Variants in CYP7B1 observed in about 807,000 individuals in gnomAD.
The protein encoded by CYP7B1 is cytochrome P450 family 7 subfamily B member 1, also known as cytochrome P450 7B1.
A neutral mutation model predicts 42.7 loss-of-function variants in CYP7B1; 29 were observed. The ratio of observed to expected loss-of-function variants is 0.68; its 90% confidence interval spans 0.51 to 0.93. The LOEUF (loss-of-function observed/expected upper bound fraction) is 0.93, where lower values mean the gene tolerates loss of function less well. Ranked by LOEUF, CYP7B1 falls within the 40% of genes least tolerant of loss-of-function variation. The pLI, the probability that CYP7B1 is intolerant of heterozygous loss-of-function variation, is 0.00. For missense variants in CYP7B1, 655 were observed against 600.5 expected (o/e 1.09, Z -0.95); for synonymous variants, 235 against 218.2 (o/e 1.08, Z -0.68).
rs185188459 is a variant in CYP7B1, at chr8:64,736,108, G to A, written c.122+62358C>T. Among the ~76,000 whole-genome samples the A allele has an allele frequency of 7.9e-5, 12 of 152,092 alleles. No homozygotes were observed. In the East Asian group the frequency reaches 1.5e-3, roughly 20 times the overall value. Reference sequence around the variant, plus strand: ...CTAGAAAAATAAATTAATTTATCAGGAAGTCTTTGTGTTTACATCCCTATT... The same window carrying A: ...CTAGAAAAATAAATTAATTTATCAGAAAGTCTTTGTGTTTACATCCCTATT... On this transcript the variant is annotated intron_variant, in intron 1 of 5. Coordinates refer to ENST00000310193, the MANE Select transcript of CYP7B1 (RefSeq NM_004820.5).
At chr8:64,711,377 G>T (rs1158756736) in intron 1 of CYP7B1, among the ~76,000 whole-genome samples, 1 of 152,164 alleles carries the variant, frequency 6.6e-6, no homozygotes, top group Non-Finnish European at 1.5e-5. Context: ...CTCACTGCCT[G>T]GGACCAGTCA....
At chr8:64,619,578 A>C (rs962901320) in intron 2 of CYP7B1, among the ~76,000 whole-genome samples, 1 of 152,208 alleles carries the variant, frequency 6.6e-6, no homozygotes, top group Non-Finnish European at 1.5e-5. Flanking sequence ...AATTTTTGAT[A>C]TCTTCCTTGC....
intron 1 of CYP7B1, among the ~76,000 whole-genome samples, chr8:64,639,311 G>T (rs971175050): frequency 6.6e-6 from 1 of 151,906 alleles, no homozygotes; most frequent in Non-Finnish European, 1.5e-5. Flanking sequence ...TCAAAGCATT[G>T]GTATGAAAGA....
Position 64,592,727 on chromosome 8 carries a change from T to G in CYP7B1, c.*3915A>C, listed in dbSNP as rs1056747885. On this transcript the variant is annotated 3_prime_UTR_variant, in exon 6 of 6. Coordinates refer to ENST00000310193, the MANE Select transcript of CYP7B1 (RefSeq NM_004820.5). The stretch of plus-strand genomic sequence containing the variant: ...TATACCATAAATCCATACACGTTAC[T>G]GTGTTTAATCGTTACAATGAACTCT... 2.6e-5 allele frequency among the ~76,000 whole-genome samples: 4 copies of G among 152,252 alleles called. No homozygotes were observed. The highest frequency in any genetic ancestry group is 6.5e-5 in the Admixed American group (1 of 15,292).
intron 2 of CYP7B1, among the ~76,000 whole-genome samples, chr8:64,623,578 ATGT>A (rs1259333879): frequency 6.6e-6 from 1 of 152,238 alleles, no homozygotes; most frequent in African/African-American, 2.4e-5. Flanking sequence ...GTCTTAAAAA[ATGT>A]TGTGAACTAG....
intron 1 of CYP7B1, among the ~76,000 whole-genome samples, chr8:64,679,290 C>T (rs1197817032): frequency 1.3e-5 from 2 of 152,090 alleles, no homozygotes; most frequent in African/African-American, 4.8e-5. Context: ...AATCAATAGA[C>T]AGGCATTTCT....
At chr8:64,748,768 T>G (rs955367771) in intron 1 of CYP7B1, among the ~76,000 whole-genome samples, 2 of 152,204 alleles carry the variant, frequency 1.3e-5, no homozygotes, top group South Asian at 4.1e-4. Flanking sequence ...TCTGCACCCA[T>G]GACTTCAACT....
chr8:64,627,628 G>A (rs1391885805), intron 1 of CYP7B1, among the ~76,000 whole-genome samples: 1 of 152,158 alleles, frequency 6.6e-6, no homozygotes, highest in East Asian at 1.9e-4. Context: ...GGAAAGGATA[G>A]GGCTCAGAAA....
At position 64,741,702 on chromosome 8, in the gene CYP7B1, T is replaced by A. The variant is rs368961417; in HGVS notation, c.122+56764A>T. Among the ~76,000 whole-genome samples, 15 of 152,302 alleles carry A rather than the reference T, an allele frequency of 9.8e-5. No homozygotes were observed. The East Asian group carries it at 2.7e-3, about 27-fold the overall frequency. On this transcript the variant is annotated intron_variant, in intron 1 of 5. Coordinates refer to ENST00000310193, the MANE Select transcript of CYP7B1 (RefSeq NM_004820.5). ...TATAACAGGAAATTACTCTCATACA[T>A]ACCAGCAGTAAAATTGGAGTTTGAA...
At chr8:64,679,673 C>T (rs1254880438) in intron 1 of CYP7B1, among the ~76,000 whole-genome samples, 1 of 152,104 alleles carries the variant, frequency 6.6e-6, no homozygotes, top group East Asian at 1.9e-4. Context: ...ATTAGGAAAA[C>T]CAGCCTATCT....
intron 1 of CYP7B1, chr8:64,703,842 C>T (rs1416185551): frequency 2.0e-5 from 3 of 151,950 alleles, no homozygotes; most frequent in African/African-American, 4.8e-5. Flanking sequence ...CAGACATGAG[C>T]GATTTGAACT....
At chr8:64,703,502 C>T (rs1228133365) in intron 1 of CYP7B1, among the ~76,000 whole-genome samples, 3 of 151,912 alleles carry the variant, frequency 2.0e-5, no homozygotes, top group Non-Finnish European at 4.4e-5. Flanking sequence ...ATATAGGTAG[C>T]AGCTAGGCCA....
intron 1 of CYP7B1, among the ~76,000 whole-genome samples, chr8:64,783,848 T>C (rs938802675): frequency 2.0e-4 from 30 of 152,148 alleles, no homozygotes; most frequent in African/African-American, 6.3e-4. Context: ...AGTAAACATT[T>C]AGAAAGTTTT....
intron 1 of CYP7B1, among the ~76,000 whole-genome samples, chr8:64,681,362 G>A (rs1025969838): frequency 3.3e-5 from 5 of 152,040 alleles, no homozygotes; most frequent in African/African-American, 7.2e-5. Flanking sequence ...GAAAAGACAG[G>A]TGTGCTCCTT....
At position 64,591,924 on chromosome 8, in the gene CYP7B1, A is replaced by C. The variant is rs1158944878; in HGVS notation, c.*4718T>G. On this transcript the variant is annotated 3_prime_UTR_variant, in exon 6 of 6. Transcript: ENST00000310193. Reference sequence around the variant, plus strand: ...AAGATGGGGGCGGGCACGGTGGCTCATGTCTGCAACCCCAGCACTTAGGGA... The same window carrying C: ...AAGATGGGGGCGGGCACGGTGGCTCCTGTCTGCAACCCCAGCACTTAGGGA... 6.6e-6 allele frequency among the ~76,000 whole-genome samples: 1 copy of C among 152,200 alleles called. No individual in the cohort carries two copies. Among genetic ancestry groups the C allele is most frequent in the Non-Finnish European group, 1.5e-5 (1 of 68,036 alleles).
chr8:64,656,163 A>T (rs1806117832), intron 1 of CYP7B1, among the ~76,000 whole-genome samples: 1 of 152,198 alleles, frequency 6.6e-6, no homozygotes, highest in Non-Finnish European at 1.5e-5. Context: ...CAAACAAAAA[A>T]TAAAAGTTAA....
chr8:64,704,367 C>T (rs189837971), intron 1 of CYP7B1, among the ~76,000 whole-genome samples: 2 of 152,112 alleles, frequency 1.3e-5, no homozygotes, highest in East Asian at 3.9e-4. Flanking sequence ...CTATAAATTC[C>T]ACAGATATAT....
chr8:64,794,680 C>T (rs1384253535), intron 1 of CYP7B1, among the ~76,000 whole-genome samples: 1 of 152,186 alleles, frequency 6.6e-6, no homozygotes, highest in Non-Finnish European at 1.5e-5. Context: ...CTGCTTAATA[C>T]CATCACCTTG....
chr8:64,640,847 C>G (rs1304836941), intron 1 of CYP7B1, among the ~76,000 whole-genome samples: 2 of 152,134 alleles, frequency 1.3e-5, no homozygotes, highest in Non-Finnish European at 2.9e-5. Context: ...AGGTTTTTCT[C>G]TTTTCTGATG....
Sources: gnomAD v4.1 joint callset for allele counts (sites outside exome capture counted in the v4.1 genomes callset) on GRCh38, gnomAD v4.1.1 for gene constraint, MANE v1.5 for transcripts, NCBI Gene and HGNC (gene_info 2026-07-23, HGNC 2026-07-21) for gene names.